Variants in CSMD2 observed in about 807,000 individuals in gnomAD.
The protein encoded by CSMD2 is CUB and Sushi multiple domains 2.
In CSMD2, 130 loss-of-function variants were observed where a neutral mutation model predicts 398.5. That is an observed-to-expected ratio of 0.33 (90% CI 0.28 to 0.38). The LOEUF is 0.38. Ranked by LOEUF, CSMD2 falls within the 10% of genes least tolerant of loss-of-function variation. CSMD2 has a pLI of 1.00. For synonymous variants in CSMD2, 1,828 were observed against 1,908.5 expected, an observed-to-expected ratio of 0.96 and a Z score of 1.10; for missense variants, 3,829 against 4,764.9, an observed-to-expected ratio of 0.80 and a Z score of 5.78.
chr1:33,860,500 C>G (rs981957769), intron 5 of CSMD2: 2 of 152,190 alleles, frequency 1.3e-5, no homozygotes, highest in Admixed American at 6.5e-5. Flanking sequence ...GATTTCCCCG[C>G]TGTAAAGTTA....
intron 5 of CSMD2, among the ~76,000 whole-genome samples, chr1:33,881,037 C>G (rs1178468147): frequency 6.6e-6 from 1 of 152,178 alleles, no homozygotes; most frequent in Non-Finnish European, 1.5e-5. Flanking sequence ...GCAAACAAGG[C>G]ACATTTTCTG....
At chr1:34,081,535 C>T (rs1286784495) in intron 2 of CSMD2, among the ~76,000 whole-genome samples, 2 of 152,128 alleles carry the variant, frequency 1.3e-5, no homozygotes, top group African/African-American at 4.8e-5. Context: ...TCTCCTGCCT[C>T]GGCCTGCCGA....
chr1:33,980,728 G>A (rs1184626089), intron 3 of CSMD2, among the ~76,000 whole-genome samples: 1 of 152,188 alleles, frequency 6.6e-6, no homozygotes, highest in Non-Finnish European at 1.5e-5. Flanking sequence ...TCTAGTAGGG[G>A]TGGTAGGCAG....
chr1:33,837,786 G>T (rs1039375461), intron 6 of CSMD2, among the ~76,000 whole-genome samples: 1 of 152,214 alleles, frequency 6.6e-6, no homozygotes, highest in African/African-American at 2.4e-5. Flanking sequence ...GGCTGTAACT[G>T]GTTGATGGAA....
chr1:33,709,598 T>C (rs1354085024), intron 21 of CSMD2: 1 of 388,696 alleles, frequency 2.6e-6, no homozygotes, highest in African/African-American at 2.0e-5. Context: ...TATAGTAGCG[T>C]AGCAACAGAA....
chr1:33,823,394 T>TAA (rs1332932701), intron 7 of CSMD2, among the ~76,000 whole-genome samples: 1,067 of 10,278 alleles, frequency 0.1, 6 homozygotes, highest in African/African-American at 0.47. Context: ...CTCCCTTTCT[T>TAA]TTTTTTTTTT....
At chr1:33,657,919 A>G (rs1644000677) in intron 27 of CSMD2, 27 bp downstream of exon 27, 1 of 1,592,564 alleles carries the variant, frequency 6.3e-7, no homozygotes, top group Admixed American at 1.7e-5. Context: ...CCCCAAGAGC[A>G]GAGTGCACCC....
At chr1:33,911,462 A>G (rs1053518432) in intron 5 of CSMD2, among the ~76,000 whole-genome samples, 1 of 152,228 alleles carries the variant, frequency 6.6e-6, no homozygotes, top group Non-Finnish European at 1.5e-5. Flanking sequence ...AGATCATTCA[A>G]GAGGAGAAAG....
chr1:33,829,200 A>G (rs998081878), intron 6 of CSMD2, among the ~76,000 whole-genome samples: 3 of 152,196 alleles, frequency 2.0e-5, no homozygotes, highest in African/African-American at 7.2e-5. Flanking sequence ...CAAACTCTAC[A>G]AAATGTATAT....
At chr1:33,832,123 G>C (rs1570170732) in intron 6 of CSMD2, among the ~76,000 whole-genome samples, 1 of 124,942 alleles carries the variant, frequency 8.0e-6, no homozygotes, top group African/African-American at 3.3e-5. Context: ...AGTTAACAAG[G>C]ATACCCAGGA....
chr1:33,870,761 T>TCC (rs1640404018), intron 5 of CSMD2: 1 of 152,086 alleles, frequency 6.6e-6, no homozygotes, highest in Non-Finnish European at 1.5e-5. Context: ...TGTAATCCCC[T>TCC]CCCTTTGAGT....
intron 3 of CSMD2, among the ~76,000 whole-genome samples, chr1:34,005,347 G>T (rs1231209917): frequency 6.6e-6 from 1 of 152,228 alleles, no homozygotes; most frequent in African/African-American, 2.4e-5. Flanking sequence ...TATGGGAGAG[G>T]ATTAGGTGGG....
At chr1:33,842,849 G>T (rs1201142591) in intron 6 of CSMD2, among the ~76,000 whole-genome samples, 2 of 152,196 alleles carry the variant, frequency 1.3e-5, no homozygotes, top group Non-Finnish European at 2.9e-5. Flanking sequence ...GCCGGATTTG[G>T]TCTGTGACTG....
intron 46 of CSMD2, among the ~76,000 whole-genome samples, chr1:33,585,140 C>T (rs995996787): frequency 2.0e-5 from 3 of 152,186 alleles, no homozygotes; most frequent in Non-Finnish European, 4.4e-5. Flanking sequence ...TGTGCATTGA[C>T]AATAGTTGTA....
intron 70 of CSMD2, among the ~76,000 whole-genome samples, chr1:33,517,847 C>T (rs564984889): frequency 4.6e-5 from 7 of 152,240 alleles, no homozygotes; most frequent in Middle Eastern, 3.4e-3. Flanking sequence ...GAGTAAAGCA[C>T]GTCAGGGGCT....
chr1:33,751,160 A>G (rs141814517), intron 13 of CSMD2, among the ~76,000 whole-genome samples: 1 of 152,216 alleles, frequency 6.6e-6, no homozygotes, highest in Non-Finnish European at 1.5e-5. Flanking sequence ...AAAACATATA[A>G]TATTATTAGA....
At chr1:33,865,334 A>G (rs1327486204) in intron 5 of CSMD2, among the ~76,000 whole-genome samples, 2 of 145,988 alleles carry the variant, frequency 1.4e-5, no homozygotes, top group East Asian at 2.1e-4. Flanking sequence ...AGATACGCTC[A>G]GTGGGGCCAG....
intron 13 of CSMD2, among the ~76,000 whole-genome samples, chr1:33,750,990 G>T (rs973848534): frequency 1.3e-5 from 2 of 151,882 alleles, no homozygotes; most frequent in Non-Finnish European, 2.9e-5. Context: ...CAAATGGAGA[G>T]AAAATATGTG....
At chr1:34,107,894 A>G (rs1660676236) in intron 1 of CSMD2, among the ~76,000 whole-genome samples, 1 of 152,186 alleles carries the variant, frequency 6.6e-6, no homozygotes, top group Admixed American at 6.5e-5. Flanking sequence ...GAATCATAAT[A>G]ACTCGGGAAA....
Sources: gnomAD v4.1 joint callset for allele counts (sites outside exome capture counted in the v4.1 genomes callset) on GRCh38, gnomAD v4.1.1 for gene constraint, MANE v1.5 for transcripts, NCBI Gene and HGNC (gene_info 2026-07-23, HGNC 2026-07-21) for gene names.